The following PDE8A variants were observed in gnomAD, a reference collection of about 807,000 sequenced individuals.
PDE8A encodes the protein phosphodiesterase 8A, also known as high affinity cAMP-specific and IBMX-insensitive 3',5'-cyclic phosphodiesterase 8A.
PDE8A carries 59 observed loss-of-function variants against 105.0 expected under a neutral mutation model. That is an observed-to-expected ratio of 0.56 (90% confidence interval 0.46 to 0.70). The LOEUF (loss-of-function observed/expected upper bound fraction) is 0.70, where lower values mean the gene tolerates loss of function less well. Ranked by LOEUF, PDE8A falls within the 30% of genes least tolerant of loss-of-function variation. The pLI is 0.00. For missense variants in PDE8A, 1,014 were observed against 1,045.9 expected (o/e 0.97, Z 0.42); for synonymous variants, 355 against 371.9 (o/e 0.95, Z 0.52).
At chr15:85,032,870 T>C (rs2080638670) in intron 1 of PDE8A, among the ~76,000 whole-genome samples, 1 of 152,204 alleles carries the variant, frequency 6.6e-6, no homozygotes, top group Admixed American at 6.5e-5. Context: ...GCAGCCTTTC[T>C]ATATTGTCTG....
chr15:85,136,452 A>G (rs1241677780), intron 20 of PDE8A, 82 bp from the exon 21 acceptor site: 2 of 1,458,948 alleles, frequency 1.4e-6, no homozygotes, highest in East Asian at 2.3e-5. Flanking sequence ...TGCCAGGAGA[A>G]GCTCTTCCTG....
chr15:85,100,612 A>G (rs966758501), intron 11 of PDE8A, among the ~76,000 whole-genome samples: 7 of 152,304 alleles, frequency 4.6e-5, no homozygotes, highest in East Asian at 3.9e-4. Flanking sequence ...CCTCACCTCT[A>G]TGTTTCTTAA....
chr15:85,108,978 A>G, intron 11 of PDE8A, 75 bp from the exon 12 acceptor site: 1 of 1,058,534 alleles, frequency 9.4e-7, no homozygotes, highest in Non-Finnish European at 1.4e-6. Flanking sequence ...TTTTAAAAAA[A>G]TTTTAGATTG....
intron 6 of PDE8A, 134 bp downstream of exon 6, chr15:85,083,778 C>G (rs572308590): frequency 1.2e-4 from 74 of 624,244 alleles, no homozygotes; most frequent in Admixed American, 3.8e-4. Context: ...TGGCAACTCC[C>G]CTCGTACAGA....
chr15:85,090,132 G>A (rs768388178), intron 7 of PDE8A, among the ~76,000 whole-genome samples: 1 of 152,192 alleles, frequency 6.6e-6, no homozygotes, highest in Non-Finnish European at 1.5e-5. Flanking sequence ...GCCCTGAGAG[G>A]CAGCGTGGGC....
At position 85,076,422 on chromosome 15, in the gene PDE8A, G is replaced by A. The variant is rs574812073; in HGVS notation, c.492-311G>A. ...GAGAAAGGAATTAAAAAAAAAACCT[G>A]GAAGTAGAAGAAAATAGGAGTAGTT... On this transcript the variant is annotated intron_variant, in intron 4 of 21. Transcript: ENST00000394553. Among the ~76,000 whole-genome samples the A allele has an allele frequency of 2.0e-5, 3 of 151,376 alleles. No homozygotes were observed. In the South Asian group the frequency reaches 6.3e-4, roughly 32 times the overall value.
At chr15:85,117,593 CTGTT>C in intron 16 of PDE8A, 44 bp from the exon 17 acceptor site, 1 of 1,513,030 alleles carries the variant, frequency 6.6e-7, no homozygotes, top group Non-Finnish European at 9.2e-7. Flanking sequence ...AACACTTGGC[CTGTT>C]TGTTTGCTTT....
chr15:85,022,672 C>T (rs34731527), intron 1 of PDE8A, among the ~76,000 whole-genome samples: 19,320 of 151,628 alleles, frequency 0.13, 1,625 homozygotes, highest in Middle Eastern at 0.24. Context: ...CCCCAGCCTC[C>T]GGAGTAGCTG....
rs200398878 is a variant in PDE8A at position 85,042,088 on chromosome 15, T to TA, written c.187-22280dup. On this transcript the variant is annotated intron_variant, in intron 1 of 21. Transcript: ENST00000394553. Reference sequence around the variant, plus strand: ...TTTAAAGAAACCAATTTTTTTTTTTTAATAAAAAATAGTATAGGCCAGTTG... The same window carrying TA: ...TTTAAAGAAACCAATTTTTTTTTTTTAAATAAAAAATAGTATAGGCCAGTTG... 4.8e-3 allele frequency among the ~76,000 whole-genome samples: 729 copies of TA among 151,914 alleles called. 10 individuals carry two copies. Among genetic ancestry groups the TA allele is most frequent in the African/African-American group, 0.016 (667 of 41,390 alleles).
intron 6 of PDE8A, among the ~76,000 whole-genome samples, chr15:85,085,019 TGTCTA>T (rs780538657): frequency 1.3e-5 from 2 of 152,232 alleles, no homozygotes; most frequent in Non-Finnish European, 2.9e-5. Flanking sequence ...AGTCTCCCTA[TGTCTA>T]GTCTTGACTC....
rs556583460 is a variant in PDE8A at position 85,024,618 on chromosome 15, C to T, written c.187-39752C>T. Among the ~76,000 whole-genome samples the T allele has an allele frequency of 2.0e-4, 30 of 151,934 alleles. No homozygotes were observed. In the East Asian group the frequency reaches 5.6e-3, roughly 28 times the overall value. On this transcript the variant is annotated intron_variant, in intron 1 of 21. Coordinates refer to ENST00000394553, the MANE Select transcript of PDE8A (RefSeq NM_002605.3). The stretch of plus-strand genomic sequence containing the variant: ...TTTTGTTACATTAACTTCCCTTTTG[C>T]TTTTCTCTACCCTCAGCAGAGGGGG...
At chr15:85,113,580 C>G in intron 13 of PDE8A, 133 bp downstream of exon 13, 1 of 800,322 alleles carries the variant, frequency 1.2e-6, no homozygotes, top group Non-Finnish European at 2.2e-6. Context: ...CTAGTAGCCT[C>G]CTCTGAAGAG....
intron 3 of PDE8A, among the ~76,000 whole-genome samples, chr15:85,074,589 A>G (rs1233807171): frequency 6.6e-6 from 1 of 152,220 alleles, no homozygotes; most frequent in Non-Finnish European, 1.5e-5. Flanking sequence ...GCAGCTACTC[A>G]TAGCTGGAGC....
chr15:85,099,182 C>T (rs140755189), intron 9 of PDE8A, among the ~76,000 whole-genome samples: 226 of 152,294 alleles, frequency 1.5e-3, no homozygotes, highest in African/African-American at 5.2e-3. Flanking sequence ...CACTTCATTC[C>T]ATCCTAACTG....
intron 1 of PDE8A, chr15:85,063,092 C>A (rs552154548): frequency 1.3e-5 from 2 of 152,266 alleles, no homozygotes; most frequent in South Asian, 2.1e-4. Flanking sequence ...TATTAGGGAC[C>A]CTCATTCTTT....
intron 1 of PDE8A, among the ~76,000 whole-genome samples, chr15:85,017,087 C>T (rs1469879528): frequency 6.6e-6 from 1 of 150,582 alleles, no homozygotes; most frequent in Non-Finnish European, 1.5e-5. Flanking sequence ...AGGTGAAACC[C>T]CGTCTCTACT....
intron 1 of PDE8A, among the ~76,000 whole-genome samples, chr15:85,051,374 C>T (rs1361215076): frequency 6.6e-6 from 1 of 152,124 alleles, no homozygotes; most frequent in Non-Finnish European, 1.5e-5. Flanking sequence ...TGCTTTGTTC[C>T]TGATCTTAGA....
intron 1 of PDE8A, among the ~76,000 whole-genome samples, chr15:85,021,692 A>G (rs531088625): frequency 2.0e-5 from 3 of 152,308 alleles, no homozygotes; most frequent in Non-Finnish European, 2.9e-5. Context: ...TTAAATTATC[A>G]TGTCTCTCTA....
chr15:85,127,557 C>T (rs936431127), intron 20 of PDE8A, among the ~76,000 whole-genome samples: 5 of 151,968 alleles, frequency 3.3e-5, no homozygotes, highest in Non-Finnish European at 7.4e-5. Context: ...ACCAAAAGCC[C>T]AGTCCCATTT....
Sources: allele counts gnomAD v4.1 joint callset (sites outside exome capture counted in the v4.1 genomes callset), GRCh38; gene constraint gnomAD v4.1.1; transcripts MANE v1.5; gene names NCBI Gene and HGNC (gene_info 2026-07-23, HGNC 2026-07-21).